The following RAF1 variants were observed in gnomAD, a reference collection of about 807,000 sequenced individuals.
RAF1 encodes the protein Raf-1 proto-oncogene, serine/threonine kinase.
RAF1 carries 27 observed loss-of-function variants against 81.1 expected under a neutral mutation model. That is an observed-to-expected ratio of 0.33 (90% CI 0.25 to 0.46). RAF1 has a LOEUF of 0.46. Among genes scored for constraint, RAF1 ranks in the 20% least tolerant of loss-of-function variants. The pLI is 1.00. For missense variants in RAF1, 598 were observed against 826.0 expected (o/e 0.72, Z 3.38); for synonymous variants, 298 against 294.0 (o/e 1.01, Z -0.14).
At chr3:12,591,913 G>A (rs764206604) in intron 11 of RAF1, 121 bp from the exon 11 acceptor site, 27 of 818,866 alleles carry the variant, frequency 3.3e-5, no homozygotes, top group Admixed American at 2.1e-4. Context: ...ACACAGATAC[G>A]GCAAATTTCC....
chr3:12,640,342 G>A (rs1266880104), intron 1 of RAF1, among the ~76,000 whole-genome samples: 4 of 151,934 alleles, frequency 2.6e-5, no homozygotes, highest in East Asian at 3.9e-4. Context: ...CGAAAGCAAG[G>A]GCAACAAAAG....
At chr3:12,613,273 CA>C (rs780216853) in intron 2 of RAF1, among the ~76,000 whole-genome samples, 6 of 152,124 alleles carry the variant, frequency 3.9e-5, no homozygotes, top group Non-Finnish European at 7.3e-5. Context: ...AAGAATTAAT[CA>C]AAAGTAAGGT....
chr3:12,612,356 A>T (rs555839051), intron 2 of RAF1, among the ~76,000 whole-genome samples: 1 of 152,334 alleles, frequency 6.6e-6, no homozygotes, highest in East Asian at 1.9e-4. Flanking sequence ...AGATTATTTT[A>T]AAGGTGAAGA....
chr3:12,618,426 A>AAAT (rs2059443931), intron 2 of RAF1, 89 bp downstream of exon 2: 9 of 1,355,162 alleles, frequency 6.6e-6, no homozygotes, highest in Non-Finnish European at 9.5e-6. Context: ...GACAATGAAT[A>AAAT]TTTTGCCTGT....
chr3:12,645,106 A>T (rs1055140297), intron 1 of RAF1, among the ~76,000 whole-genome samples: 15 of 151,326 alleles, frequency 9.9e-5, no homozygotes, highest in Non-Finnish European at 1.6e-4. Context: ...TCAAAAAAAA[A>T]AAAAAAAAAA....
chr3:12,661,298 T>C (rs758348853), intron 1 of RAF1, among the ~76,000 whole-genome samples: 1 of 152,222 alleles, frequency 6.6e-6, no homozygotes, highest in Non-Finnish European at 1.5e-5. Flanking sequence ...TACAAATAAA[T>C]AGTTTATAAA....
chr3:12,617,505 G>A (rs1401489385), intron 2 of RAF1, among the ~76,000 whole-genome samples: 9 of 151,908 alleles, frequency 5.9e-5, no homozygotes, highest in Non-Finnish European at 1.3e-4. Flanking sequence ...TGCCCACCTC[G>A]GTCTCCCAAA....
chr3:12,602,959 C>G (rs1369991161), intron 8 of RAF1, among the ~76,000 whole-genome samples: 1 of 152,118 alleles, frequency 6.6e-6, no homozygotes, highest in Non-Finnish European at 1.5e-5. Flanking sequence ...AAACAGAATA[C>G]CAATGCTGTG....
At chr3:12,605,133 A>G (rs978026272) in intron 6 of RAF1, among the ~76,000 whole-genome samples, 3 of 152,256 alleles carry the variant, frequency 2.0e-5, no homozygotes, top group Non-Finnish European at 4.4e-5. Flanking sequence ...ATTATCAAGA[A>G]AAATAAAAGC....
intron 1 of RAF1, among the ~76,000 whole-genome samples, chr3:12,637,597 C>A (rs949838249): frequency 1.3e-5 from 2 of 151,982 alleles, no homozygotes; most frequent in African/African-American, 4.8e-5. Context: ...GGAGGCCGGG[C>A]ACAGTGGCTC....
At chr3:12,593,392 A>G (rs1234971346) in intron 11 of RAF1, among the ~76,000 whole-genome samples, 3 of 108,086 alleles carry the variant, frequency 2.8e-5, no homozygotes, top group African/African-American at 1.1e-4. Flanking sequence ...TCCCCATTTC[A>G]TTTTTGGGAA....
intron 8 of RAF1, among the ~76,000 whole-genome samples, chr3:12,601,038 T>A (rs1418356977): frequency 6.6e-6 from 1 of 152,000 alleles, no homozygotes; most frequent in African/African-American, 2.4e-5. Flanking sequence ...AAAGCCAGGG[T>A]GGGGAGGTGG....
intron 1 of RAF1, among the ~76,000 whole-genome samples, chr3:12,656,031 T>A (rs973414470): frequency 1.3e-5 from 2 of 150,752 alleles, no homozygotes; most frequent in Admixed American, 6.7e-5. Flanking sequence ...TGTTGTTAAA[T>A]GTCACTGGAT....
At chr3:12,638,667 T>A (rs1010433408) in intron 1 of RAF1, among the ~76,000 whole-genome samples, 8 of 152,226 alleles carry the variant, frequency 5.3e-5, no homozygotes, top group African/African-American at 1.7e-4. Flanking sequence ...ATTTTCTACC[T>A]ACTCACACAT....
chr3:12,597,690 G>A (rs1352412707), intron 11 of RAF1, among the ~76,000 whole-genome samples: 1 of 152,064 alleles, frequency 6.6e-6, no homozygotes, highest in African/African-American at 2.4e-5. Flanking sequence ...CGAGGCAGGC[G>A]GATCGCTTGA....
chr3:12,648,975 G>T (rs1435976778), intron 1 of RAF1, among the ~76,000 whole-genome samples: 1 of 152,110 alleles, frequency 6.6e-6, no homozygotes, highest in Non-Finnish European at 1.5e-5. Context: ...TTACCCAGGC[G>T]TGGTGGCACA....
At chr3:12,618,444 T>A (rs2059444539) in intron 2 of RAF1, 71 bp downstream of exon 2, 3 of 1,530,074 alleles carry the variant, frequency 2.0e-6, no homozygotes, top group Non-Finnish European at 2.7e-6. Context: ...TGTCTTTAAG[T>A]TGAACATGAT....
At chr3:12,630,963 C>A (rs886527508) in intron 1 of RAF1, among the ~76,000 whole-genome samples, 1 of 152,164 alleles carries the variant, frequency 6.6e-6, no homozygotes. Flanking sequence ...GCCACCACGC[C>A]TGACTAATTT....
chr3:12,590,718 AG>A, intron 13 of RAF1, 79 bp downstream of exon 12: 2 of 1,456,168 alleles, frequency 1.4e-6, no homozygotes, highest in Non-Finnish European at 1.9e-6. Flanking sequence ...ATGGACTAGA[AG>A]GCTTTTCCTG....
Sources: allele counts gnomAD v4.1 joint callset (sites outside exome capture counted in the v4.1 genomes callset), GRCh38; gene constraint gnomAD v4.1.1; transcripts MANE v1.5; gene names NCBI Gene and HGNC (gene_info 2026-07-23, HGNC 2026-07-21).